The following PHF21A variants were observed in gnomAD, a reference collection of about 807,000 sequenced individuals.
PHF21A encodes the protein BHC80a.
PHF21A carries 11 observed loss-of-function variants against 82.5 expected under a neutral mutation model. That is an observed-to-expected ratio of 0.13 (90% CI 0.08 to 0.22). PHF21A has a LOEUF of 0.22. Ranked by LOEUF, PHF21A falls within the 10% of genes least tolerant of loss-of-function variation. PHF21A has a pLI of 1.00. For missense variants in PHF21A, 579 were observed against 837.8 expected (o/e 0.69, Z 3.81); for synonymous variants, 297 against 302.8 (o/e 0.98, Z 0.20).
intron 10 of PHF21A, among the ~76,000 whole-genome samples, chr11:45,954,293 A>G (rs1222687724): frequency 6.6e-6 from 1 of 152,104 alleles, no homozygotes; most frequent in African/African-American, 2.4e-5. Flanking sequence ...CACCATGCCC[A>G]GCCCACTGTT....
chr11:45,946,223 T>G, intron 14 of PHF21A: 12 of 978,178 alleles, frequency 1.2e-5, no homozygotes, highest in Non-Finnish European at 1.9e-5. Flanking sequence ...GAAGGGAGGA[T>G]AAGAGAGCTC....
At chr11:46,020,358 CAGAACTGCCACCA>C (rs1245350370) in intron 6 of PHF21A, among the ~76,000 whole-genome samples, 1 of 152,188 alleles carries the variant, frequency 6.6e-6, no homozygotes, top group East Asian at 1.9e-4. Flanking sequence ...AATTTTTCAT[CAGAACTGCCACCA>C]AGAACCAGGA....
At chr11:46,098,959 CT>C (rs2097047833) in intron 1 of PHF21A, among the ~76,000 whole-genome samples, 1 of 152,070 alleles carries the variant, frequency 6.6e-6, no homozygotes, top group African/African-American at 2.4e-5. Flanking sequence ...ACCCAAATTC[CT>C]ATGTCTCTAA....
chr11:46,018,092 T>C (rs1308288117), intron 6 of PHF21A, among the ~76,000 whole-genome samples: 3 of 151,304 alleles, frequency 2.0e-5, no homozygotes, highest in African/African-American at 4.9e-5. Context: ...CTACTAAAAA[T>C]ACAAAAAATT....
At chr11:46,019,785 A>G (rs1388560203) in intron 6 of PHF21A, among the ~76,000 whole-genome samples, 2 of 152,186 alleles carry the variant, frequency 1.3e-5, no homozygotes, top group African/African-American at 4.8e-5. Context: ...TCTAAAAATG[A>G]TAACACAACA....
At chr11:46,064,836 T>C (rs1462579445) in intron 6 of PHF21A, among the ~76,000 whole-genome samples, 2 of 152,236 alleles carry the variant, frequency 1.3e-5, no homozygotes, top group Non-Finnish European at 2.9e-5. Flanking sequence ...TTTTCTGTAA[T>C]GGATTTACCC....
chr11:45,947,738 G>A (rs189207112), intron 14 of PHF21A, among the ~76,000 whole-genome samples: 5 of 152,076 alleles, frequency 3.3e-5, no homozygotes, highest in Admixed American at 1.3e-4. Context: ...GCTCCTTTCC[G>A]AGAACTGCAT....
chr11:46,076,972 C>A, intron 5 of PHF21A, 153 bp from the exon 6 acceptor site: 2 of 590,468 alleles, frequency 3.4e-6, no homozygotes, highest in Admixed American at 2.5e-5. Flanking sequence ...GGCCATAATA[C>A]CATCACCTAA....
chr11:45,990,823 C>A (rs537940206), intron 6 of PHF21A, among the ~76,000 whole-genome samples: 11 of 152,186 alleles, frequency 7.2e-5, no homozygotes, highest in African/African-American at 2.6e-4. Context: ...CCACATCTCC[C>A]CACTATCAAC....
Position 45,971,365 on chromosome 11 carries a change from C to T in PHF21A, c.363G>A (p.Lys121=), listed in dbSNP as rs1204751717. ...TAATCATAGAAGCTGTAGTTACAGT[C>T]TTCTAGGAGACAGGGAAAACAGATA... ...AASPNLTASQ[K]TVTTASMITT... The change falls in exon 8 of 19, where the codon AAG becomes AAA. Residue 121 remains lysine (K), a splice_region_variant and synonymous_variant. Coordinates refer to ENST00000676320, the MANE Select transcript of PHF21A (RefSeq NM_001352027.3). 1 of 1,612,486 alleles carries T rather than the reference C, an allele frequency of 6.2e-7. No homozygotes were observed. Among genetic ancestry groups the T allele is most frequent in the Non-Finnish European group, 8.5e-7 (1 of 1,179,000 alleles).
chr11:46,029,138 C>T (rs551784403), intron 6 of PHF21A, among the ~76,000 whole-genome samples: 352 of 152,280 alleles, frequency 2.3e-3, no homozygotes, highest in Non-Finnish European at 4.2e-3. Context: ...GGGCTTAACT[C>T]AAGAAGTCAA....
chr11:45,945,059 G>A (rs1369171030), intron 15 of PHF21A, among the ~76,000 whole-genome samples: 2 of 152,176 alleles, frequency 1.3e-5, no homozygotes, highest in Non-Finnish European at 2.9e-5. Flanking sequence ...CACCATGCCC[G>A]GCCCCATTTT....
chr11:45,930,741 C>T lies in PHF21A; in HGVS notation c.*3227G>A, dbSNP rs558820555. Reference sequence around the variant, plus strand: ...AGTCAGGGCCCAGTGGGCAGCCGCTCCAGCTCTCTGAAGTGACTACAAAGC... The same window carrying T: ...AGTCAGGGCCCAGTGGGCAGCCGCTTCAGCTCTCTGAAGTGACTACAAAGC... On this transcript the variant is annotated 3_prime_UTR_variant, in exon 19 of 19. Coordinates refer to ENST00000676320, the MANE Select transcript of PHF21A (RefSeq NM_001352027.3). 6.6e-6 allele frequency: 1 copy of T among 152,396 alleles called. No individual in the cohort carries two copies. Among genetic ancestry groups the T allele is most frequent in the Non-Finnish European group, 1.5e-5 (1 of 68,170 alleles). The allele number at this position is 152,396 out of a possible 1,614,324, so 9.4% of individuals were successfully genotyped here.
At chr11:45,992,570 AC>A (rs1317027659) in intron 6 of PHF21A, among the ~76,000 whole-genome samples, 1 of 152,194 alleles carries the variant, frequency 6.6e-6, no homozygotes, top group African/African-American at 2.4e-5. Flanking sequence ...TTTTGACATC[AC>A]AAGGTGAACC....
rs374419930 is a variant in PHF21A, at chr11:45,969,802, T to C, written c.702+13A>G. 3.2e-6 allele frequency: 5 copies of C among 1,561,778 alleles called. No individual in the cohort carries two copies. Among genetic ancestry groups the C allele is most frequent in the African/African-American group, 1.4e-5 (1 of 73,906 alleles). ...ATCTAACCTATCATTGAGCTTGTCA[T>C]TGGTTTACTCACCTGTGGAAGAAAG... On this transcript the variant is annotated intron_variant, in intron 9 of 18. Transcript: ENST00000676320.
At position 45,971,183 on chromosome 11, in the gene PHF21A, G is replaced by A. The variant is rs200842546; in HGVS notation, c.545C>T (p.Thr182Met). 23 of 1,614,164 alleles carry A rather than the reference G, an allele frequency of 1.4e-5. No homozygotes were observed. The highest frequency in any genetic ancestry group is 3.3e-4 in the Middle Eastern group (2 of 6,058). ...CCCAGGCCCAGTGACCTTACTAGACGTCTGGAGGTTGACTGGTGTGTTCTG... is the reference window on the plus strand; with the variant it reads ...CCCAGGCCCAGTGACCTTACTAGACATCTGGAGGTTGACTGGTGTGTTCTG... ...DVQNTPVNLQ[T>M]SSKVTGPGAE... Residue 182 changes from threonine (T) to methionine (M), a missense_variant, in exon 8 of 19, where the codon ACG becomes ATG. Physicochemically the swap from Thr to Met is moderately conservative, Grantham distance 81 (BLOSUM62 -1). Transcript: ENST00000676320.
At position 45,938,592 on chromosome 11, in the gene PHF21A, A is replaced by G. The variant is rs1590936102; in HGVS notation, c.1453-280T>C. ...GAAACCTCCGTACTGAACCCTATAA[A>G]TATGTTTTTCTATACACACAGACCC... On this transcript the variant is annotated intron_variant, in intron 15 of 18. Coordinates refer to ENST00000676320, the MANE Select transcript of PHF21A (RefSeq NM_001352027.3). 2.0e-5 allele frequency among the ~76,000 whole-genome samples: 3 copies of G among 152,254 alleles called. No homozygotes were observed. In the South Asian group the frequency reaches 6.2e-4, roughly 32 times the overall value.
At chr11:46,072,827 T>C (rs977485791) in intron 6 of PHF21A, among the ~76,000 whole-genome samples, 1 of 152,140 alleles carries the variant, frequency 6.6e-6, no homozygotes, top group Non-Finnish European at 1.5e-5. Context: ...GCAACCACGA[T>C]GGCTTAACCC....
At chr11:46,070,918 T>C (rs1177871206) in intron 6 of PHF21A, among the ~76,000 whole-genome samples, 2 of 152,218 alleles carry the variant, frequency 1.3e-5, no homozygotes, top group Non-Finnish European at 2.9e-5. Context: ...GGGTATCTCA[T>C]GGGGAAAATC....
Sources: allele counts gnomAD v4.1 joint callset (sites outside exome capture counted in the v4.1 genomes callset), GRCh38; gene constraint gnomAD v4.1.1; transcripts MANE v1.5; gene names NCBI Gene and HGNC (gene_info 2026-07-23, HGNC 2026-07-21).